UBN2: variants seen among roughly 807,000 people sequenced by gnomAD.
The protein encoded by UBN2 is ubinuclein-2.
Under a neutral mutation model 120.2 loss-of-function variants are expected in UBN2, and 35 were observed. That is an observed-to-expected ratio of 0.29 (90% CI 0.22 to 0.39). UBN2 has a LOEUF of 0.39. Among genes scored for constraint, UBN2 ranks in the 10% least tolerant of loss-of-function variants. UBN2 has a pLI of 1.00. For missense variants in UBN2, 1,693 were observed against 1,663.2 expected (o/e 1.02, Z -0.31); for synonymous variants, 661 against 648.7 (o/e 1.02, Z -0.29).
rs1009019617 is a variant in UBN2 at position 139,301,239 on chromosome 7, T to C, written c.*3403T>C. 2.6e-5 allele frequency: 4 copies of C among 152,140 alleles called. No individual in the cohort carries two copies. Among genetic ancestry groups the C allele is most frequent in the Admixed American group, 6.6e-5 (1 of 15,222 alleles). 9.4% of individuals were successfully genotyped at this position (152,140 alleles called of 1,614,324 possible). A position where few individuals can be genotyped will look rare whatever the true frequency, so the allele number is the denominator to read the frequency against. ...TTGACACCTGGTTGAAAACAACTTATTGGACATGATTTTTAACCCAGGATA... is the reference window on the plus strand; with the variant it reads ...TTGACACCTGGTTGAAAACAACTTACTGGACATGATTTTTAACCCAGGATA... On this transcript the variant is annotated 3_prime_UTR_variant, in exon 18 of 18. Coordinates refer to ENST00000473989, the MANE Select transcript of UBN2 (RefSeq NM_173569.4).
chr7:139,276,040 A>G (rs1797433123), intron 11 of UBN2, 57 bp from the exon 12 acceptor site: 28 of 1,376,044 alleles, frequency 2.0e-5, no homozygotes, highest in Non-Finnish European at 2.5e-5. Flanking sequence ...AAATAAAACA[A>G]TTATGTTACT....
downstream of UBN2, among the ~76,000 whole-genome samples, chr7:139,312,101 A>G (rs1798456022): frequency 6.6e-6 from 1 of 152,310 alleles, no homozygotes; most frequent in Middle Eastern, 3.4e-3. Context: ...TTCATAGCAC[A>G]TTGTCATCAG....
chr7:139,316,687 T>G, the UBN2 span, among the ~76,000 whole-genome samples: 2 of 152,060 alleles, frequency 1.3e-5, no homozygotes, highest in South Asian at 4.2e-4. Flanking sequence ...GAGGTTGCAG[T>G]GAGCAGAGAA....
At chr7:139,291,724 C>G (rs1027638650) in intron 15 of UBN2, among the ~76,000 whole-genome samples, 1 of 151,930 alleles carries the variant, frequency 6.6e-6, no homozygotes, top group African/African-American at 2.4e-5. Context: ...GTGGCACACG[C>G]CTGTCTGTAG....
chr7:139,325,469 A>G, the UBN2 span, among the ~76,000 whole-genome samples: 1 of 151,898 alleles, frequency 6.6e-6, no homozygotes, highest in South Asian at 2.1e-4. Flanking sequence ...GGGTTTCACC[A>G]TGTTGGCCAG....
chr7:139,272,018 CG>C, intron 8 of UBN2, among the ~76,000 whole-genome samples: 1 of 152,138 alleles, frequency 6.6e-6, no homozygotes. Flanking sequence ...TTTTGTTTTC[CG>C]TTTTCTGTAT....
rs143959734 is a variant in UBN2, at chr7:139,297,950, G to A, written c.*114G>A. 9.2e-5 allele frequency: 109 copies of A among 1,185,526 alleles called. No individual in the cohort carries two copies. The East Asian group carries it at 2.1e-3, about 22-fold the overall frequency. 73.4% of individuals were successfully genotyped at this position (1,185,526 alleles called of 1,614,324 possible). A position where few individuals can be genotyped will look rare whatever the true frequency, so the allele number is the denominator to read the frequency against. ...TTTCTGTCGATGTTTACATTCTCTC[G>A]TCCCAAGCACTGTGGTGAGGAGGAA... On this transcript the variant is annotated 3_prime_UTR_variant, in exon 18 of 18. Transcript: ENST00000473989.
In UBN2 at chr7:139,231,281, C is replaced by A. The variant is rs573003616; in HGVS notation, c.-204C>A. Among the ~76,000 whole-genome samples, 4 of 152,232 alleles carry A rather than the reference C, an allele frequency of 2.6e-5. No homozygotes were observed. Among genetic ancestry groups the A allele is most frequent in the Non-Finnish European group, 5.9e-5 (4 of 68,050 alleles). On this transcript the variant is annotated 5_prime_UTR_variant, in exon 1 of 18. Transcript: ENST00000473989. ...GGATCCAACATGGCGGCCGCGGCGA[C>A]CCTGGCGATGGCGGTGAAGCCCATC...
At chr7:139,308,899 GTC>G (rs1438033378), downstream of UBN2, among the ~76,000 whole-genome samples, 1 of 152,036 alleles carries the variant, frequency 6.6e-6, no homozygotes, top group Non-Finnish European at 1.5e-5. Flanking sequence ...GTGCAACCCC[GTC>G]TCTGCTGAAA....
chr7:139,260,205 C>A (rs1796888923), intron 5 of UBN2, among the ~76,000 whole-genome samples: 1 of 152,002 alleles, frequency 6.6e-6, no homozygotes, highest in Non-Finnish European at 1.5e-5. Context: ...ATCAAGGGAT[C>A]CTCCTGCCTC....
chr7:139,314,971 T>C, the UBN2 span, among the ~76,000 whole-genome samples: 1,453 of 150,834 alleles, frequency 9.6e-3, 32 homozygotes, highest in African/African-American at 0.034. Context: ...ATAATAATAA[T>C]AATAATATTA....
At chr7:139,316,723 C>T in the UBN2 span, among the ~76,000 whole-genome samples, 12 of 151,830 alleles carry the variant, frequency 7.9e-5, no homozygotes, top group African/African-American at 1.2e-4. Flanking sequence ...CCAGCCTGGA[C>T]GACAAGAGTG....
chr7:139,260,566 C>T (rs1181030375), intron 5 of UBN2, among the ~76,000 whole-genome samples: 1 of 152,050 alleles, frequency 6.6e-6, no homozygotes, highest in Non-Finnish European at 1.5e-5. Context: ...TTGTGAGAGG[C>T]TGAATTTTCT....
chr7:139,261,429 T>C lies in UBN2; in HGVS notation c.1083T>C (p.Ala361=). ...STPSLNKPPC[A]AAALGNDVPD... ...CTTCTCTGAATAAACCCCCATGTGC[T>C]GCTGCAGCACTGGGGAATGACGTCC... Residue 361 remains alanine (A), a synonymous_variant, in exon 6 of 18, where the codon GCT becomes GCC. Transcript: ENST00000473989. 3 of 1,614,242 alleles carry C rather than the reference T, an allele frequency of 1.9e-6. No homozygotes were observed. The highest frequency in any genetic ancestry group is 2.5e-6 in the Non-Finnish European group (3 of 1,180,032).
At chr7:139,280,073 C>T (rs1365745846) in intron 13 of UBN2, among the ~76,000 whole-genome samples, 2 of 152,106 alleles carry the variant, frequency 1.3e-5, no homozygotes, top group African/African-American at 2.4e-5. Flanking sequence ...AGTAGTGACC[C>T]GGGGCCACTG....
At position 139,288,391 on chromosome 7, in the gene UBN2, G is replaced by A. The variant is rs577943856; in HGVS notation, c.3669+3817G>A. Among the ~76,000 whole-genome samples, 8 of 152,218 alleles carry A rather than the reference G, an allele frequency of 5.3e-5. No homozygotes were observed. In the East Asian group the frequency reaches 1.4e-3, roughly 26 times the overall value. ...GCCAGCCATGTGTAGAGAAGAGGGG[G>A]AAAATAGTTCAGGCCAGAGGGAACA... is the stretch of plus-strand genomic sequence containing the variant. On this transcript the variant is annotated intron_variant, in intron 15 of 17. Coordinates refer to ENST00000473989, the MANE Select transcript of UBN2 (RefSeq NM_173569.4).
In UBN2 at chr7:139,284,359, T is replaced by C; in HGVS notation, c.3454T>C (p.Ser1152Pro). ...NLQAPSKLTN[S>P]SSTGTVGKNS... ...TCAGGCCCCCTCAAAGCTAACAAAC[T>C]CATCATCCACTGGAACTGTTGGGAA... The change falls in exon 15 of 18, where the codon TCA (serine) becomes CCA (proline). Residue 1152 changes from serine (S) to proline (P), a missense_variant. Transcript: ENST00000473989. The C allele has an allele frequency of 6.2e-7, 1 of 1,614,124 alleles. No homozygotes were observed. Among genetic ancestry groups the C allele is most frequent in the South Asian group, 1.1e-5 (1 of 91,076 alleles).
chr7:139,278,940 T>C (rs912531043), intron 12 of UBN2, among the ~76,000 whole-genome samples: 4 of 152,148 alleles, frequency 2.6e-5, no homozygotes, highest in African/African-American at 7.2e-5. Flanking sequence ...AAAATTTTTC[T>C]TTAAAAGCTC....
At chr7:139,248,489 A>G (rs975479781) in intron 2 of UBN2, among the ~76,000 whole-genome samples, 2 of 152,186 alleles carry the variant, frequency 1.3e-5, no homozygotes, top group Non-Finnish European at 2.9e-5. Context: ...ATAATTTGAT[A>G]GAGGAAATTG....
Sources: allele counts gnomAD v4.1 joint callset (sites outside exome capture counted in the v4.1 genomes callset), GRCh38; gene constraint gnomAD v4.1.1; transcripts MANE v1.5; gene names NCBI Gene and HGNC (gene_info 2026-07-23, HGNC 2026-07-21).